The following PCSK6 variants were observed in gnomAD, a reference collection of about 807,000 sequenced individuals.
PCSK6 encodes the protein proprotein convertase subtilisin/kexin type 6.
PCSK6 carries 85 observed loss-of-function variants against 123.3 expected under a neutral mutation model. That is an observed-to-expected ratio of 0.69 (90% CI 0.58 to 0.83). PCSK6 has a LOEUF of 0.83. PCSK6 is among the 40% of genes least tolerant of loss of function. PCSK6 has a pLI of 0.00. For missense variants in PCSK6, 1,191 were observed against 1,282.3 expected (o/e 0.93, Z 1.09); for synonymous variants, 508 against 516.0 (o/e 0.98, Z 0.21).
chr15:101,373,182 T>C (rs1266787554), intron 11 of PCSK6, among the ~76,000 whole-genome samples: 2 of 152,106 alleles, frequency 1.3e-5, no homozygotes, highest in African/African-American at 4.8e-5. Flanking sequence ...GGGTTGGGTG[T>C]GATCCTCCGC....
chr15:101,477,981 T>C (rs934180293), intron 1 of PCSK6, among the ~76,000 whole-genome samples: 57 of 152,312 alleles, frequency 3.7e-4, no homozygotes, highest in African/African-American at 1.4e-3. Flanking sequence ...GGAGGACTTC[T>C]TCACAGGTCC....
chr15:101,484,149 A>G (rs766707769), intron 1 of PCSK6, among the ~76,000 whole-genome samples: 9 of 152,198 alleles, frequency 5.9e-5, no homozygotes, highest in South Asian at 2.1e-4. Flanking sequence ...GTCTAGGCAC[A>G]ATTTTGTATA....
At chr15:101,314,370 A>G (rs996859820) in intron 19 of PCSK6, among the ~76,000 whole-genome samples, 1 of 152,170 alleles carries the variant, frequency 6.6e-6, no homozygotes, top group African/African-American at 2.4e-5. Flanking sequence ...AGAGAGGGGC[A>G]GTGAAGTAGT....
chr15:101,389,474 G>C lies in PCSK6; in HGVS notation c.1300C>G (p.Leu434Val). ...PMVAGIIALA[L>V]EANSQLTWRD... ...TAAGTGGGAACTTACTTTGCTTCTA[G>C]AGCCAAGGCGATGATGCCCGCCACC... Residue 434 changes from leucine (L) to valine (V), a missense_variant, in exon 9 of 22, where the codon CTA becomes GTA. Around this residue, in one of 3 missense-constraint regions of PCSK6, gnomAD observed 357 missense variants for 484.5 expected, o/e 0.74. Transcript: ENST00000611716. 2 of 1,612,006 alleles carry C rather than the reference G, an allele frequency of 1.2e-6. No individual in the cohort carries two copies. Among genetic ancestry groups the C allele is most frequent in the Non-Finnish European group, 1.7e-6 (2 of 1,178,682 alleles).
At chr15:101,313,050 G>T in intron 20 of PCSK6, 1 of 1,232,172 alleles carries the variant, frequency 8.1e-7, no homozygotes, top group Non-Finnish European at 1.0e-6. Flanking sequence ...TCTGATTATC[G>T]ACAGTGCAAA....
Sources: allele counts gnomAD v4.1 joint callset (sites outside exome capture counted in the v4.1 genomes callset), GRCh38; gene constraint gnomAD v4.1.1; regional missense constraint gnomAD v4.1.1; transcripts MANE v1.5; gene names NCBI Gene and HGNC (gene_info 2026-07-23, HGNC 2026-07-21).